CNTNAP2: variants seen among roughly 807,000 people sequenced by gnomAD.
The protein encoded by CNTNAP2 is contactin-associated protein-like 2.
Under a neutral mutation model 155.2 loss-of-function variants are expected in CNTNAP2, and 98 were observed. The observed-to-expected ratio is 0.63, with a 90% CI of 0.54 to 0.75. CNTNAP2 has a LOEUF of 0.75. Among genes scored for constraint, CNTNAP2 ranks in the 30% least tolerant of loss-of-function variants. The probability of loss-of-function intolerance (pLI) is 0.00; values close to 1 mark genes in which losing one functional copy is unlikely to be tolerated. For missense variants in CNTNAP2, 1,727 were observed against 1,688.1 expected, an observed-to-expected ratio of 1.02 and a Z score of -0.40; for synonymous variants, 651 against 631.2, an observed-to-expected ratio of 1.03 and a Z score of -0.47.
chr7:148,324,810 G>T, intron 21 of CNTNAP2, among the ~76,000 whole-genome samples: 1 of 56,722 alleles, frequency 1.8e-5, no homozygotes, highest in African/African-American at 6.4e-5. Flanking sequence ...AAAAAAAAGA[G>T]TAGGGATTTG....
At chr7:148,217,671 T>G (rs1795670118) in intron 19 of CNTNAP2, 147 bp downstream of exon 19, 4 of 872,070 alleles carry the variant, frequency 4.6e-6, no homozygotes, top group Non-Finnish European at 7.4e-6. Context: ...ACCCCATTTC[T>G]CTCCATGAAT....
intron 10 of CNTNAP2, among the ~76,000 whole-genome samples, chr7:147,415,255 A>C (rs959747246): frequency 6.6e-6 from 1 of 152,104 alleles, no homozygotes; most frequent in Non-Finnish European, 1.5e-5. Context: ...CCTTCCACTT[A>C]ATTTGAAATT....
At chr7:147,417,245 T>C (rs889177873) in intron 10 of CNTNAP2, among the ~76,000 whole-genome samples, 1 of 152,218 alleles carries the variant, frequency 6.6e-6, no homozygotes, top group Admixed American at 6.5e-5. Context: ...CAGAATACCA[T>C]AGACTAGCTC....
chr7:147,862,062 T>C (rs1450700692), intron 13 of CNTNAP2, among the ~76,000 whole-genome samples: 2 of 148,726 alleles, frequency 1.3e-5, no homozygotes, highest in Admixed American at 6.7e-5. Flanking sequence ...GCCAATATGG[T>C]ATTTTGTGGT....
chr7:146,837,750 C>T (rs1200608420), intron 2 of CNTNAP2, among the ~76,000 whole-genome samples: 1 of 152,084 alleles, frequency 6.6e-6, no homozygotes, highest in Non-Finnish European at 1.5e-5. Flanking sequence ...TTTTCAGTAA[C>T]CTTTGCTCAG....
intron 13 of CNTNAP2, among the ~76,000 whole-genome samples, chr7:147,708,992 A>G (rs1011422299): frequency 6.6e-6 from 1 of 152,050 alleles, no homozygotes; most frequent in African/African-American, 2.4e-5. Context: ...CATACAGCCC[A>G]TTTTGTAATA....
chr7:147,861,999 CAAAAAAAAAAAA>C (rs57139075), intron 13 of CNTNAP2, among the ~76,000 whole-genome samples: 1 of 94,976 alleles, frequency 1.1e-5, no homozygotes, highest in Admixed American at 1.2e-4. Context: ...CTCCATCTCA[CAAAAAAAAAAAA>C]AAAAAAAAAA....
chr7:148,408,301 A>T (rs10238530), intron 22 of CNTNAP2, among the ~76,000 whole-genome samples: 41,190 of 152,046 alleles, frequency 0.27, 6,233 homozygotes, highest in Non-Finnish European at 0.35. Flanking sequence ...AGTCTAAAAG[A>T]GAAAGGATTA....
At chr7:147,282,498 T>C (rs1324007092) in intron 8 of CNTNAP2, among the ~76,000 whole-genome samples, 1 of 151,838 alleles carries the variant, frequency 6.6e-6, no homozygotes, top group Non-Finnish European at 1.5e-5. Flanking sequence ...AGTTAAACAT[T>C]AGGCTATTTG....
intron 12 of CNTNAP2, among the ~76,000 whole-genome samples, chr7:147,600,785 C>A (rs1387718689): frequency 6.6e-6 from 1 of 152,034 alleles, no homozygotes; most frequent in African/African-American, 2.4e-5. Flanking sequence ...CCCCCTCCTA[C>A]TACTATGTCC....
chr7:146,570,274 G>A (rs942896324), intron 1 of CNTNAP2, among the ~76,000 whole-genome samples: 3 of 151,958 alleles, frequency 2.0e-5, no homozygotes, highest in Non-Finnish European at 4.4e-5. Context: ...GCAAACACTG[G>A]ATAATGTAAT....
intron 1 of CNTNAP2, among the ~76,000 whole-genome samples, chr7:146,574,159 T>C (rs1798485679): frequency 6.6e-6 from 1 of 151,536 alleles, no homozygotes; most frequent in Non-Finnish European, 1.5e-5. Context: ...TCCATGATTT[T>C]AGAGTATTTC....
At chr7:148,076,422 CTTTTTTT>C (rs771048326) in intron 15 of CNTNAP2, among the ~76,000 whole-genome samples, 2 of 49,802 alleles carry the variant, frequency 4.0e-5, no homozygotes, top group East Asian at 8.0e-4. Context: ...GCTCTGACTT[CTTTTTTT>C]TTTTTTTTTT....
chr7:146,655,341 G>A (rs116585634), intron 1 of CNTNAP2, among the ~76,000 whole-genome samples: 3,275 of 146,442 alleles, frequency 0.022, 80 homozygotes, highest in African/African-American at 0.061. Flanking sequence ...TTGAACTCGG[G>A]AGACAGAGGT....
At chr7:146,406,173 CTCTG>C (rs2129109714) in intron 1 of CNTNAP2, among the ~76,000 whole-genome samples, 1 of 152,310 alleles carries the variant, frequency 6.6e-6, no homozygotes, top group African/African-American at 2.4e-5. Context: ...AAAGTTCTCT[CTCTG>C]TCTTTCATCT....
At chr7:147,749,722 A>G (rs1797104536) in intron 13 of CNTNAP2, among the ~76,000 whole-genome samples, 1 of 152,208 alleles carries the variant, frequency 6.6e-6, no homozygotes, top group Non-Finnish European at 1.5e-5. Context: ...TATGTTTTTA[A>G]TTCTGCATTA....
chr7:147,941,822 G>A (rs190587102), intron 14 of CNTNAP2, among the ~76,000 whole-genome samples: 51 of 152,212 alleles, frequency 3.4e-4, no homozygotes, highest in Middle Eastern at 3.4e-3. Context: ...TTTTAAAACC[G>A]TCACTCTTTC....
chr7:148,328,495 CATCTCTTGG>C (rs1797930731), intron 21 of CNTNAP2, among the ~76,000 whole-genome samples: 1 of 65,678 alleles, frequency 1.5e-5, no homozygotes, highest in Non-Finnish European at 3.2e-5. Context: ...CTGTAGATTC[CATCTCTTGG>C]TGTTCAATAG....
At position 146,380,053 on chromosome 7, in the gene CNTNAP2, A is replaced by C. The variant is rs138561150; in HGVS notation, c.97+263080A>C. On this transcript the variant is annotated intron_variant, in intron 1 of 23. Transcript: ENST00000361727. The stretch of plus-strand genomic sequence containing the variant: ...TTCTCTTTCCTTTTCAGGTAACTTA[A>C]AAAGAGCTGAATATGTTGAACTTAA... Among the ~76,000 whole-genome samples the C allele has an allele frequency of 8.8e-3, 1,336 of 152,306 alleles. 13 individuals carry two copies. Among genetic ancestry groups the C allele is most frequent in the African/African-American group, 0.027 (1,121 of 41,560 alleles).
Sources: allele counts gnomAD v4.1 joint callset (sites outside exome capture counted in the v4.1 genomes callset), GRCh38; gene constraint gnomAD v4.1.1; transcripts MANE v1.5; gene names NCBI Gene and HGNC (gene_info 2026-07-23, HGNC 2026-07-21).